FNDC1: variants seen among roughly 807,000 people sequenced by gnomAD.
The protein encoded by FNDC1 is fibronectin type III domain containing 1, also known as fibronectin type III domain-containing protein 1.
FNDC1 carries 96 observed loss-of-function variants against 168.0 expected under a neutral mutation model. The ratio of observed to expected loss-of-function variants is 0.57; its 90% CI spans 0.48 to 0.68. FNDC1 has a LOEUF of 0.68. Among genes scored for constraint, FNDC1 ranks in the 30% least tolerant of loss-of-function variants. The probability of loss-of-function intolerance (pLI) is 0.00; values close to 1 mark genes in which losing one functional copy is unlikely to be tolerated. For synonymous variants in FNDC1, 1,099 were observed against 1,025.9 expected (o/e 1.07, Z -1.36); for missense variants, 2,587 against 2,482.1 (o/e 1.04, Z -0.90).
intron 1 of FNDC1, among the ~76,000 whole-genome samples, chr6:159,195,203 A>C (rs1782220033): frequency 6.6e-6 from 1 of 152,152 alleles, no homozygotes; most frequent in Admixed American, 6.5e-5. Context: ...GTAACTCTCT[A>C]AGGCTTAAAT....
chr6:159,169,699 G>A lies in FNDC1; in HGVS notation c.103G>A (p.Ala35Thr), dbSNP rs1305801636. The change falls in exon 1 of 23, where the codon GCC becomes ACC. Residue 35 changes from alanine (A) to threonine (T), a missense_variant. By Grantham distance (58) the Ala-to-Thr change is moderately conservative (BLOSUM62 0). Coordinates refer to ENST00000297267, the MANE Select transcript of FNDC1 (RefSeq NM_032532.3). The surrounding 1 kb of genome is among the most constrained non-coding windows in gnomAD (Gnocchi z 6.8). The stretch of plus-strand genomic sequence containing the variant: ...GCTCCCCGTCGCCTCCTCGGCGGCG[G>A]CCTCAGGTACGCGCCGCGCCCGGGC... Reference protein sequence around the residue: ...ALLPVASSAAASVDHPLKPRH... With the variant: ...ALLPVASSAATSVDHPLKPRH... The A allele has an allele frequency of 8.7e-7, 1 of 1,155,334 alleles. No individual in the cohort carries two copies. The highest frequency in any genetic ancestry group is 4.0e-5 in the East Asian group (1 of 24,774). 71.6% of individuals were successfully genotyped at this position (1,155,334 alleles called of 1,614,324 possible).
chr6:159,233,641 C>A lies in FNDC1; in HGVS notation c.3129C>A (p.Pro1043=). ...TGACCCAGGCCGGGCGGCCCCGCCCCACGTCGCAGGGCCGCTCCCACTCCT... is the reference window on the plus strand; with the variant it reads ...TGACCCAGGCCGGGCGGCCCCGCCCAACGTCGCAGGGCCGCTCCCACTCCT... ...LSLTQAGRPR[P]TSQGRSHSSS... Residue 1043 remains proline, a synonymous_variant, in exon 11 of 23, where the codon CCC becomes CCA. Transcript: ENST00000297267. The surrounding 1 kb of genome is among the most constrained non-coding windows in gnomAD (Gnocchi z 4.6). 6.4e-7 allele frequency: 1 copy of A among 1,555,460 alleles called. No homozygotes were observed. Among genetic ancestry groups the A allele is most frequent in the South Asian group, 1.2e-5 (1 of 84,610 alleles).
At chr6:159,186,582 C>T (rs1782004455) in intron 1 of FNDC1, among the ~76,000 whole-genome samples, 1 of 152,244 alleles carries the variant, frequency 6.6e-6, no homozygotes, top group South Asian at 2.1e-4. Flanking sequence ...GCCTGCATGG[C>T]AAGCTGACAT....
At chr6:159,269,343 ATCCATTTG>A (rs1241026893) in intron 22 of FNDC1, among the ~76,000 whole-genome samples, 20 of 100,976 alleles carry the variant, frequency 2.0e-4, no homozygotes, top group East Asian at 7.4e-4. Context: ...CTATCTATCT[ATCCATTTG>A]TTTATCTAGG....
At chr6:159,269,499 T>TATCTATCTATCC (rs1777686855) in intron 22 of FNDC1, among the ~76,000 whole-genome samples, 2 of 87,328 alleles carry the variant, frequency 2.3e-5, no homozygotes, top group African/African-American at 8.7e-5. Context: ...TCTATCTATC[T>TATCTATCTATCC]ATCCATCCAT....
chr6:159,268,862 A>G (rs1777648821), intron 22 of FNDC1, among the ~76,000 whole-genome samples: 1 of 122,768 alleles, frequency 8.1e-6, no homozygotes, highest in Non-Finnish European at 1.8e-5. Flanking sequence ...CTATCTATCT[A>G]TCCATACTGT....
At position 159,239,533 on chromosome 6, in the gene FNDC1, C is replaced by T. The variant is rs373737408; in HGVS notation, c.4197C>T (p.Pro1399=). The change falls in exon 14 of 23, where the codon CCC becomes CCT. Residue 1399 remains proline, a synonymous_variant. Transcript: ENST00000297267. The part of the protein sequence containing the change: ...GRTIVDLEGT[P]VVSPDGLPLF... ...TTGTTTCAGATCTGGAAGGGACCCC[C>T]GTGGTGAGTCCTGACGGCCTCCCAC... The T allele has an allele frequency of 2.1e-5, 33 of 1,600,020 alleles. No individual in the cohort carries two copies. Among genetic ancestry groups the T allele is most frequent in the Admixed American group, 6.8e-5 (4 of 58,748 alleles).
intron 1 of FNDC1, among the ~76,000 whole-genome samples, chr6:159,170,397 T>C (rs147853495): frequency 0.016 from 2,387 of 152,332 alleles, 30 homozygotes; most frequent in Non-Finnish European, 0.026. Flanking sequence ...CCAGGATGGA[T>C]GCTTCCTTTG....
At chr6:159,267,303 C>T (rs1316775102) in intron 21 of FNDC1, among the ~76,000 whole-genome samples, 2 of 152,134 alleles carry the variant, frequency 1.3e-5, no homozygotes, top group African/African-American at 4.8e-5. Context: ...GGCTGCATAA[C>T]CATGTGTCAT....
chr6:159,235,406 C>T (rs1783229241), intron 11 of FNDC1, among the ~76,000 whole-genome samples: 1 of 152,004 alleles, frequency 6.6e-6, no homozygotes, highest in Non-Finnish European at 1.5e-5. Context: ...ACTCAGTTTT[C>T]CACTAAGATT....
intron 12 of FNDC1, among the ~76,000 whole-genome samples, 177 bp from the exon 13 acceptor site, chr6:159,238,377 G>A (rs1218020342): frequency 6.6e-6 from 1 of 152,122 alleles, no homozygotes; most frequent in African/African-American, 2.4e-5. Context: ...GAGCCACCGC[G>A]CCCGGCCTGT....
At chr6:159,266,392 A>G (rs1019888704) in intron 21 of FNDC1, 147 bp downstream of exon 21, 136 of 844,346 alleles carry the variant, frequency 1.6e-4, no homozygotes, top group Non-Finnish European at 2.3e-4. Context: ...AACCAATTTT[A>G]CAGATTCTAC....
chr6:159,264,431 T>C (rs1415435896), intron 19 of FNDC1, among the ~76,000 whole-genome samples: 11 of 152,258 alleles, frequency 7.2e-5, no homozygotes, highest in African/African-American at 2.4e-4. Flanking sequence ...TCTGTTTTAC[T>C]AGTGAGCAGT....
At chr6:159,221,037 T>C (rs1381369799) in intron 5 of FNDC1, among the ~76,000 whole-genome samples, 1 of 152,236 alleles carries the variant, frequency 6.6e-6, no homozygotes, top group Non-Finnish European at 1.5e-5. Context: ...ACATTTAAAG[T>C]CTTCCATGTG....
chr6:159,242,465 C>G (rs1459664134), intron 14 of FNDC1, among the ~76,000 whole-genome samples: 1 of 152,078 alleles, frequency 6.6e-6, no homozygotes, highest in African/African-American at 2.4e-5. Context: ...ACCTGCACAT[C>G]CTGCACCTGT....
At position 159,209,881 on chromosome 6, in the gene FNDC1, G is replaced by A. The variant is rs527825537; in HGVS notation, c.461-5064G>A. On this transcript the variant is annotated intron_variant, in intron 4 of 22. Coordinates refer to ENST00000297267, the MANE Select transcript of FNDC1 (RefSeq NM_032532.3). ...CAAGAGTTTACTGACTGCAGGGGTT[G>A]GCTGAGGGGTGCTCCTCTGGCATCT... is the stretch of plus-strand genomic sequence containing the variant. Among the ~76,000 whole-genome samples the A allele has an allele frequency of 3.9e-5, 6 of 152,262 alleles. No individual in the cohort carries two copies. In the South Asian group the frequency reaches 1.2e-3, roughly 32 times the overall value.
chr6:159,247,944 G>T (rs1017450801), intron 15 of FNDC1, among the ~76,000 whole-genome samples: 1 of 152,040 alleles, frequency 6.6e-6, no homozygotes, highest in African/African-American at 2.4e-5. Context: ...TTGACACCAG[G>T]GCTCAGGATT....
chr6:159,258,070 C>A (rs931588101), intron 18 of FNDC1, among the ~76,000 whole-genome samples: 2 of 152,164 alleles, frequency 1.3e-5, no homozygotes, highest in African/African-American at 4.8e-5. Context: ...CTTTCCACAA[C>A]TTCTGCTGCC....
At chr6:159,216,881 A>G (rs1782719855) in intron 5 of FNDC1, among the ~76,000 whole-genome samples, 1 of 152,228 alleles carries the variant, frequency 6.6e-6, no homozygotes, top group African/African-American at 2.4e-5. Flanking sequence ...TGGGCCTTCT[A>G]GAAGACTCCA....
Sources: gnomAD v4.1 joint callset for allele counts (sites outside exome capture counted in the v4.1 genomes callset) on GRCh38, gnomAD v4.1.1 for gene constraint, Gnocchi (gnomAD v3.1) non-coding constraint, MANE v1.5 for transcripts, NCBI Gene and HGNC (gene_info 2026-07-23, HGNC 2026-07-21) for gene names.